Variants in PPP2R5C observed in about 807,000 individuals in gnomAD.
PPP2R5C encodes the protein serine/threonine-protein phosphatase 2A 56 kDa regulatory subunit gamma isoform.
In PPP2R5C, 7 loss-of-function variants were observed where a neutral mutation model predicts 68.9. The ratio of observed to expected loss-of-function variants is 0.10; its 90% CI spans 0.06 to 0.19. The LOEUF is 0.19. Ranked by LOEUF, PPP2R5C falls within the 10% of genes least tolerant of loss-of-function variation. The pLI is 1.00. For missense variants in PPP2R5C, 348 were observed against 641.3 expected (o/e 0.54, Z 4.94); for synonymous variants, 210 against 222.2 (o/e 0.95, Z 0.49).
At chr14:101,804,233 A>G (rs2038985579) in intron 3 of PPP2R5C, among the ~76,000 whole-genome samples, 1 of 152,210 alleles carries the variant, frequency 6.6e-6, no homozygotes, top group Admixed American at 6.5e-5. Context: ...AATGCTGGAG[A>G]GGATGTGGGG....
At chr14:101,922,437 C>T (rs1244609293) in intron 13 of PPP2R5C, among the ~76,000 whole-genome samples, 3 of 150,596 alleles carry the variant, frequency 2.0e-5, no homozygotes, top group Non-Finnish European at 4.4e-5. Flanking sequence ...TGCAGTGAGC[C>T]GAGGTTGCAC....
intron 2 of PPP2R5C, among the ~76,000 whole-genome samples, chr14:101,779,240 C>T (rs946965766): frequency 2.0e-5 from 3 of 152,110 alleles, no homozygotes; most frequent in African/African-American, 2.4e-5. Context: ...GCTCCGGAGC[C>T]TGCCTGAGTG....
At chr14:101,856,590 A>G (rs2042438628) in intron 1 of PPP2R5C, 96 bp from the exon 4 acceptor site, 1 of 1,186,106 alleles carries the variant, frequency 8.4e-7, no homozygotes, top group Non-Finnish European at 1.2e-6. Flanking sequence ...TTGAATCTCT[A>G]TTCAAAATAA....
At chr14:101,805,204 T>A (rs1442285540), upstream of PPP2R5C, among the ~76,000 whole-genome samples, 1 of 152,122 alleles carries the variant, frequency 6.6e-6, no homozygotes, top group Admixed American at 6.5e-5. Context: ...TAGCTGGGCC[T>A]ACAGGCACGC....
chr14:101,771,260 T>TGTGTGTGA (rs2037136668), intron 2 of PPP2R5C, among the ~76,000 whole-genome samples: 1 of 145,676 alleles, frequency 6.9e-6, no homozygotes, highest in Non-Finnish European at 1.5e-5. Context: ...TGTGTGTGTG[T>TGTGTGTGA]GTGTATTTTT....
intron 1 of PPP2R5C, among the ~76,000 whole-genome samples, chr14:101,852,845 C>T (rs995598500): frequency 1.3e-5 from 2 of 152,014 alleles, no homozygotes; most frequent in African/African-American, 2.4e-5. Flanking sequence ...TCTTCTCCTA[C>T]GGGTTTTGCA....
chr14:101,892,577 C>T (rs2246204), intron 6 of PPP2R5C, among the ~76,000 whole-genome samples: 53,114 of 152,010 alleles, frequency 0.35, 13,566 homozygotes, highest in African/African-American at 0.73. Context: ...AGGCATTTAG[C>T]ATTTTTAAAC....
intron 7 of PPP2R5C, among the ~76,000 whole-genome samples, chr14:101,893,625 C>T (rs1042074727): frequency 6.6e-6 from 1 of 152,208 alleles, no homozygotes; most frequent in Non-Finnish European, 1.5e-5. Flanking sequence ...TGGCACATGC[C>T]TGTAATCCCA....
At chr14:101,864,041 G>A (rs1397717687) in intron 2 of PPP2R5C, among the ~76,000 whole-genome samples, 1 of 152,080 alleles carries the variant, frequency 6.6e-6, no homozygotes, top group African/African-American at 2.4e-5. Flanking sequence ...TTGAATAATC[G>A]TCCTGCATTG....
At chr14:101,868,959 C>T (rs1194140389) in intron 2 of PPP2R5C, among the ~76,000 whole-genome samples, 1 of 152,176 alleles carries the variant, frequency 6.6e-6, no homozygotes, top group Non-Finnish European at 1.5e-5. Context: ...TGTTGCCTGG[C>T]TGGAGTGCAG....
chr14:101,918,376 CCCCCTGTCCCCTCA>C, intron 13 of PPP2R5C, among the ~76,000 whole-genome samples: 1 of 129,244 alleles, frequency 7.7e-6, no homozygotes, highest in African/African-American at 2.9e-5. Context: ...CCTTGCCCCT[CCCCCTGTCCCCTCA>C]CCCCCTTGCC....
At chr14:101,850,110 A>T (rs1347770265) in intron 1 of PPP2R5C, among the ~76,000 whole-genome samples, 1 of 151,802 alleles carries the variant, frequency 6.6e-6, no homozygotes, top group African/African-American at 2.4e-5. Flanking sequence ...TAGAGCAAGC[A>T]TCAAATCAAT....
chr14:101,913,203 A>G lies in PPP2R5C; in HGVS notation c.1326+730A>G, dbSNP rs1455281543. ...TTATAACAGTGCCTCTTAAAAAGAAAATCTTTTTCAGAAAATCTTTTGTCT... is the reference window on the plus strand; with the variant it reads ...TTATAACAGTGCCTCTTAAAAAGAAGATCTTTTTCAGAAAATCTTTTGTCT... On this transcript the variant is annotated intron_variant, in intron 12 of 13. Coordinates refer to ENST00000334743, the Ensembl canonical transcript of PPP2R5C. This position sits in a 1 kb window ranked among gnomAD's most constrained non-coding sequence, Gnocchi z 4.1. Among the ~76,000 whole-genome samples, 1 of 152,210 alleles carries G rather than the reference A, an allele frequency of 6.6e-6. No individual in the cohort carries two copies. The highest frequency in any genetic ancestry group is 2.4e-5 in the African/African-American group (1 of 41,448).
chr14:101,804,038 A>G (rs955032259), intron 3 of PPP2R5C, among the ~76,000 whole-genome samples: 1 of 152,212 alleles, frequency 6.6e-6, no homozygotes, highest in Non-Finnish European at 1.5e-5. Context: ...AAAAAAAACT[A>G]ATAATCCGAT....
At chr14:101,815,811 AGGTGCAT>A (rs1047075206) in intron 1 of PPP2R5C, among the ~76,000 whole-genome samples, 4 of 152,288 alleles carry the variant, frequency 2.6e-5, no homozygotes, top group African/African-American at 9.6e-5. Context: ...CTGGGATTAC[AGGTGCAT>A]GCCACCACGC....
chr14:101,775,497 A>C (rs571048576), intron 2 of PPP2R5C, among the ~76,000 whole-genome samples: 21 of 152,296 alleles, frequency 1.4e-4, no homozygotes, highest in African/African-American at 5.1e-4. Flanking sequence ...GTGTGAGGGC[A>C]CTTGGACATT....
chr14:101,872,202 CCTTT>C (rs1166571459), intron 2 of PPP2R5C, among the ~76,000 whole-genome samples: 1 of 141,152 alleles, frequency 7.1e-6, no homozygotes, highest in Non-Finnish European at 1.5e-5. Context: ...TCTGCAAAAG[CCTTT>C]CTTTTCTTTT....
rs1049381801 is a variant in PPP2R5C, at chr14:101,781,308, G to A, written c.94-4710G>A. Among the ~76,000 whole-genome samples, 10 of 152,212 alleles carry A rather than the reference G, an allele frequency of 6.6e-5. No individual in the cohort carries two copies. Among genetic ancestry groups the A allele is most frequent in the Admixed American group, 2.0e-4 (3 of 15,290 alleles). On this transcript the variant is annotated intron_variant, in intron 2 of 14. Transcript: ENST00000328724. This position sits in a 1 kb window ranked among gnomAD's most constrained non-coding sequence, Gnocchi z 6.4. ...GCTTCTGTCCTCAGGGACCCCTTCA[G>A]ACCTTCCCCACCCTCCGAAGCCTCA... is the stretch of plus-strand genomic sequence containing the variant.
chr14:101,861,468 G>A (rs1368385478), intron 2 of PPP2R5C, among the ~76,000 whole-genome samples: 3 of 152,218 alleles, frequency 2.0e-5, no homozygotes, highest in African/African-American at 7.2e-5. Flanking sequence ...AGAAGCAGTA[G>A]TGGGTACAAC....
Sources: gnomAD v4.1 joint callset for allele counts (sites outside exome capture counted in the v4.1 genomes callset) on GRCh38, gnomAD v4.1.1 for gene constraint, Gnocchi (gnomAD v3.1) non-coding constraint, MANE v1.5 for transcripts, NCBI Gene and HGNC (gene_info 2026-07-23, HGNC 2026-07-21) for gene names.